PPP4R3B: variants seen among roughly 807,000 people sequenced by gnomAD.
PPP4R3B encodes protein phosphatase 4 regulatory subunit 3B.
In PPP4R3B, 52 loss-of-function variants were observed where a neutral mutation model predicts 95.4. That is an observed-to-expected ratio of 0.54 (90% CI 0.44 to 0.69). The LOEUF is 0.69. Among genes scored for constraint, PPP4R3B ranks in the 30% least tolerant of loss-of-function variants. PPP4R3B has a pLI of 0.00. For missense variants in PPP4R3B, 1,003 were observed against 1,005.9 expected (o/e 1.00, Z 0.04); for synonymous variants, 407 against 343.9 (o/e 1.18, Z -2.03).
intron 3 of PPP4R3B, among the ~76,000 whole-genome samples, chr2:55,601,467 G>A (rs573219948): frequency 2.7e-5 from 4 of 150,750 alleles, no homozygotes; most frequent in Non-Finnish European, 4.4e-5. Flanking sequence ...TGCAAGCTCC[G>A]CCTCCCAGGT....
intron 6 of PPP4R3B, among the ~76,000 whole-genome samples, chr2:55,585,740 C>G (rs1574811709): frequency 1.3e-5 from 2 of 152,154 alleles, no homozygotes; most frequent in Admixed American, 6.5e-5. Context: ...TTATAAGTTA[C>G]AAAACCTTGA....
rs981330232 is a variant in PPP4R3B, at chr2:55,547,886, C to G, written c.*2025G>C. The G allele has an allele frequency of 6.6e-6, 1 of 152,200 alleles. No homozygotes were observed. Among genetic ancestry groups the G allele is most frequent in the Non-Finnish European group, 1.5e-5 (1 of 68,048 alleles). The allele number at this position is 152,200 out of a possible 1,614,324, so 9.4% of individuals were successfully genotyped here. On this transcript the variant is annotated 3_prime_UTR_variant, in exon 17 of 17. Coordinates refer to ENST00000616407, the MANE Select transcript of PPP4R3B (RefSeq NM_001122964.3). ...TAAGCCGAAATCGTGCAACTACACT[C>G]CAGCCTGGGCAACAGAGCGAGACTC...
At chr2:55,593,774 C>G (rs1278282648) in intron 4 of PPP4R3B, among the ~76,000 whole-genome samples, 2 of 152,118 alleles carry the variant, frequency 1.3e-5, no homozygotes, top group East Asian at 3.8e-4. Flanking sequence ...TGGCCACAAT[C>G]TTATTTCTTT....
chr2:55,565,834 G>C lies in PPP4R3B; in HGVS notation c.1936-793C>G, dbSNP rs569270849. On this transcript the variant is annotated intron_variant, in intron 13 of 16. Coordinates refer to ENST00000616407, the MANE Select transcript of PPP4R3B (RefSeq NM_001122964.3). ...TCTCTCAAGCCTTTCCCACATCAGA[G>C]GCTGGCTTTCACACACACAGAAGAA... 1.6e-4 allele frequency: 26 copies of C among 165,562 alleles called. No homozygotes were observed. The East Asian group carries it at 3.9e-3, about 25-fold the overall frequency. 10.3% of individuals were successfully genotyped at this position (165,562 alleles called of 1,614,324 possible).
Position 55,588,921 on chromosome 2 carries a change from T to C in PPP4R3B, c.957A>G (p.Gln319=), listed in dbSNP as rs754049695. 15 of 1,610,608 alleles carry C rather than the reference T, an allele frequency of 9.3e-6. No individual in the cohort carries two copies. Among genetic ancestry groups the C allele is most frequent in the Middle Eastern group, 1.6e-4 (1 of 6,076 alleles). The change falls in exon 5 of 17, where the codon CAA becomes CAG. Residue 319 remains glutamine (Q), a synonymous_variant. Coordinates refer to ENST00000616407, the MANE Select transcript of PPP4R3B (RefSeq NM_001122964.3). The stretch of plus-strand genomic sequence containing the variant: ...CATCATCTGTAGCCTCATCTGTTAA[T>C]TGTGCAAAAACTTCAGACAAAAACT... ...DEKFLSEVFA[Q]LTDEATDDDK... is the part of the protein sequence containing the mutation.
chr2:55,597,964 T>C (rs1229610482), intron 4 of PPP4R3B, among the ~76,000 whole-genome samples: 1 of 152,202 alleles, frequency 6.6e-6, no homozygotes, highest in Admixed American at 6.5e-5. Flanking sequence ...ACGCCTATAA[T>C]CCCAGCACTT....
intron 4 of PPP4R3B, among the ~76,000 whole-genome samples, chr2:55,590,117 C>T (rs1238828698): frequency 6.6e-6 from 1 of 150,456 alleles, no homozygotes; most frequent in Non-Finnish European, 1.5e-5. Flanking sequence ...CACCTGAGGT[C>T]GGAAGTTCCA....
intron 12 of PPP4R3B, among the ~76,000 whole-genome samples, chr2:55,572,135 A>T (rs1688086942): frequency 6.6e-6 from 1 of 152,242 alleles, no homozygotes; most frequent in African/African-American, 2.4e-5. Flanking sequence ...TGCAAAAACA[A>T]ATTTCACATG....
rs1195289529 is a variant in PPP4R3B at position 55,548,308 on chromosome 2, C to G, written c.*1603G>C. The G allele has an allele frequency of 6.6e-6, 1 of 152,538 alleles. No homozygotes were observed. The highest frequency in any genetic ancestry group is 2.4e-5 in the African/African-American group (1 of 41,404). 9.4% of individuals were successfully genotyped at this position (152,538 alleles called of 1,614,324 possible). On this transcript the variant is annotated 3_prime_UTR_variant, in exon 17 of 17. Transcript: ENST00000616407. ...TAATTTTATTGGCTTTTAAAAGATA[C>G]TGTAAAATTGACATATCTCAAAATG...
Position 55,617,404 on chromosome 2 carries a change from G to A in PPP4R3B, c.-119C>T, listed in dbSNP as rs1695120625. ...GTGGCGGCGGCGGCGGCTTCGGAGA[G>A]GCCCGAATTCACCATGGCTCCAAAG... is the stretch of plus-strand genomic sequence containing the variant. On this transcript the variant is annotated 5_prime_UTR_variant, in exon 1 of 17. Coordinates refer to ENST00000616407, the MANE Select transcript of PPP4R3B (RefSeq NM_001122964.3). 9 of 1,214,252 alleles carry A rather than the reference G, an allele frequency of 7.4e-6. No homozygotes were observed. The highest frequency in any genetic ancestry group is 9.8e-6 in the Non-Finnish European group (9 of 918,948). 75.2% of individuals were successfully genotyped at this position (1,214,252 alleles called of 1,614,324 possible).
At chr2:55,602,175 T>C (rs1692712031) in intron 3 of PPP4R3B, among the ~76,000 whole-genome samples, 1 of 152,170 alleles carries the variant, frequency 6.6e-6, no homozygotes, top group South Asian at 2.1e-4. Context: ...TAGGAAAAGT[T>C]AGTTGTTTCT....
intron 16 of PPP4R3B, 59 bp from the exon 17 acceptor site, chr2:55,550,065 T>A: frequency 1.9e-6 from 2 of 1,030,284 alleles, no homozygotes; most frequent in African/African-American, 1.7e-5. Context: ...GAGCTTTTAG[T>A]ACAAATACAA....
At chr2:55,577,231 T>C in intron 11 of PPP4R3B, 84 bp downstream of exon 11, 1 of 1,448,104 alleles carries the variant, frequency 6.9e-7, no homozygotes, top group South Asian at 1.5e-5. Flanking sequence ...TATGCTTTTC[T>C]TAGCCTTATA....
At chr2:55,568,087 C>T in intron 13 of PPP4R3B, 107 bp downstream of exon 13, 1 of 673,556 alleles carries the variant, frequency 1.5e-6, no homozygotes, top group Non-Finnish European at 2.2e-6. Flanking sequence ...TATATAATTT[C>T]AGGGGTGAAA....
chr2:55,584,985 T>C (rs1034577671), intron 7 of PPP4R3B, 66 bp downstream of exon 7: 4 of 1,131,804 alleles, frequency 3.5e-6, no homozygotes, highest in African/African-American at 1.6e-5. Flanking sequence ...GTTTTTTCTC[T>C]CAATAGTTTG....
At chr2:55,597,834 G>A (rs996987988) in intron 4 of PPP4R3B, among the ~76,000 whole-genome samples, 1 of 152,136 alleles carries the variant, frequency 6.6e-6, no homozygotes, top group African/African-American at 2.4e-5. Flanking sequence ...TAGTCAAAAC[G>A]GTGAATTTTA....
chr2:55,568,471 G>A (rs1687581411), intron 12 of PPP4R3B, 108 bp from the exon 13 acceptor site: 2 of 826,294 alleles, frequency 2.4e-6, no homozygotes, highest in Non-Finnish European at 3.4e-6. Flanking sequence ...AAAATGAAAA[G>A]TAAAACTGTG....
chr2:55,550,010 T>C lies in PPP4R3B; in HGVS notation c.2455-4A>G, dbSNP rs775867706. The stretch of plus-strand genomic sequence containing the variant: ...CCACTAAGCCAACCAAACTTCCCTA[T>C]TGAAGAATTTAAAAATTTTTTCTTT... On this transcript the variant is annotated splice_region_variant and splice_polypyrimidine_tract_variant and intron_variant, in intron 16 of 16. Coordinates refer to ENST00000616407, the MANE Select transcript of PPP4R3B (RefSeq NM_001122964.3). 4.3e-5 allele frequency: 69 copies of C among 1,590,032 alleles called. No homozygotes were observed. The highest frequency in any genetic ancestry group is 3.2e-5 in the Non-Finnish European group (37 of 1,173,612).
intron 2 of PPP4R3B, among the ~76,000 whole-genome samples, chr2:55,611,368 T>A (rs960406424): frequency 1.3e-5 from 2 of 152,284 alleles, no homozygotes; most frequent in African/African-American, 4.8e-5. Flanking sequence ...TGGGACTGAT[T>A]TGAAGTAACT....
Sources: gnomAD v4.1 joint callset for allele counts (sites outside exome capture counted in the v4.1 genomes callset) on GRCh38, gnomAD v4.1.1 for gene constraint, MANE v1.5 for transcripts, NCBI Gene and HGNC (gene_info 2026-07-23, HGNC 2026-07-21) for gene names.